CNOT6L: variants seen among roughly 807,000 people sequenced by gnomAD.
The protein encoded by CNOT6L is CCR4-NOT transcription complex subunit 6 like.
A neutral mutation model predicts 64.0 loss-of-function variants in CNOT6L; 7 were observed. That is an observed-to-expected ratio of 0.11 (90% CI 0.06 to 0.21). The LOEUF (loss-of-function observed/expected upper bound fraction) is 0.21. Among genes scored for constraint, CNOT6L ranks in the 10% least tolerant of loss-of-function variants. The pLI, the probability that CNOT6L is intolerant of heterozygous loss-of-function variation, is 1.00. For synonymous variants in CNOT6L, 193 were observed against 243.4 expected, an observed-to-expected ratio of 0.79 and a Z score of 1.93; for missense variants, 245 against 669.0, an observed-to-expected ratio of 0.37 and a Z score of 6.99.
chr4:77,778,919 C>T (rs1232698727), intron 1 of CNOT6L, among the ~76,000 whole-genome samples: 1 of 151,276 alleles, frequency 6.6e-6, no homozygotes. Flanking sequence ...TGGTGGCGGG[C>T]GCCTGTAGTC....
chr4:77,730,157 G>A (rs1670670099), intron 9 of CNOT6L, among the ~76,000 whole-genome samples: 1 of 152,028 alleles, frequency 6.6e-6, no homozygotes, highest in South Asian at 2.1e-4. Flanking sequence ...CTACTAGTTT[G>A]TTAAAGTTTC....
In CNOT6L at chr4:77,720,410, T is replaced by C; in HGVS notation, c.*21A>G. 1 of 1,612,524 alleles carries C rather than the reference T, an allele frequency of 6.2e-7. No homozygotes were observed. The highest frequency in any genetic ancestry group is 8.5e-7 in the Non-Finnish European group (1 of 1,178,676). ...ACAGGTCCATAGCAACAGATCCCCG[T>C]CTTGGCGGGGCAGTACTCCACTACC... On this transcript the variant is annotated 3_prime_UTR_variant, in exon 12 of 12. Transcript: ENST00000504123.
chr4:77,772,393 A>C (rs1415664818), intron 4 of CNOT6L, among the ~76,000 whole-genome samples: 4 of 151,948 alleles, frequency 2.6e-5, no homozygotes, highest in Non-Finnish European at 5.9e-5. Context: ...CACACGGCTA[A>C]TTTTGTATTT....
intron 1 of CNOT6L, among the ~76,000 whole-genome samples, chr4:77,802,265 C>T (rs184219606): frequency 1.4e-4 from 22 of 152,218 alleles, no homozygotes; most frequent in Non-Finnish European, 2.6e-4. Context: ...ATTCTCTATC[C>T]TCTTACCAGT....
At chr4:77,790,708 T>A (rs1223637904) in intron 1 of CNOT6L, among the ~76,000 whole-genome samples, 1 of 152,146 alleles carries the variant, frequency 6.6e-6, no homozygotes, top group Non-Finnish European at 1.5e-5. Context: ...TCCCCACTTT[T>A]TTTTTAATTT....
intron 4 of CNOT6L, among the ~76,000 whole-genome samples, chr4:77,758,488 T>C (rs1725821760): frequency 6.6e-6 from 1 of 152,202 alleles, no homozygotes; most frequent in Non-Finnish European, 1.5e-5. Context: ...AGAACAAGAC[T>C]TAAGTTCTGA....
chr4:77,767,770 G>A (rs538737784), intron 4 of CNOT6L, among the ~76,000 whole-genome samples: 1 of 152,086 alleles, frequency 6.6e-6, no homozygotes, highest in African/African-American at 2.4e-5. Flanking sequence ...CCTAAGGTCA[G>A]GAGTTCGAGA....
rs1457043166 is a variant in CNOT6L, at chr4:77,718,857, A to AAAT, written c.*1571_*1573dup. 3 of 152,610 alleles carry AAAT rather than the reference A, an allele frequency of 2.0e-5. No individual in the cohort carries two copies. The highest frequency in any genetic ancestry group is 7.2e-5 in the African/African-American group (3 of 41,452). 9.5% of individuals were successfully genotyped at this position (152,610 alleles called of 1,614,324 possible). On this transcript the variant is annotated 3_prime_UTR_variant, in exon 12 of 12. Transcript: ENST00000504123. ...AAATTGTGTATATTTAAAACTAATT[A>AAAT]AATAATTTAAATTTGACCTATACTT...
At chr4:77,740,657 A>G (rs1723478943) in intron 8 of CNOT6L, among the ~76,000 whole-genome samples, 1 of 152,164 alleles carries the variant, frequency 6.6e-6, no homozygotes, top group Admixed American at 6.5e-5. Flanking sequence ...AACAATTCGA[A>G]AAGGCTGACA....
chr4:77,797,126 A>AAAAAAC (rs59311223), intron 1 of CNOT6L, among the ~76,000 whole-genome samples: 1 of 150,276 alleles, frequency 6.7e-6, no homozygotes, highest in Non-Finnish European at 1.5e-5. Flanking sequence ...AAAAAAAAAA[A>AAAAAAC]CTGCCAAGGA....
intron 1 of CNOT6L, among the ~76,000 whole-genome samples, chr4:77,786,969 T>G (rs1329739665): frequency 6.6e-6 from 1 of 151,698 alleles, no homozygotes; most frequent in African/African-American, 2.4e-5. Flanking sequence ...TCCATAAGAG[T>G]CTAATAATAA....
At position 77,795,813 on chromosome 4, in the gene CNOT6L, C is replaced by T. The variant is rs111927238; in HGVS notation, c.6-19421G>A. ...CACCAGTACACTGGAAACTATAACA[C>T]ATTACTGAGAAAAATTAAAGAACTA... On this transcript the variant is annotated intron_variant, in intron 1 of 11. Coordinates refer to ENST00000504123, the MANE Select transcript of CNOT6L (RefSeq NM_144571.3). Among the ~76,000 whole-genome samples, 153 of 152,226 alleles carry T rather than the reference C, an allele frequency of 1.0e-3. 1 individual carries two copies. Among genetic ancestry groups the T allele is most frequent in the African/African-American group, 3.2e-3 (132 of 41,534 alleles).
chr4:77,763,264 TATAAG>T (rs1393638368), intron 4 of CNOT6L, among the ~76,000 whole-genome samples: 2 of 152,026 alleles, frequency 1.3e-5, no homozygotes, highest in African/African-American at 4.8e-5. Context: ...ATATACTATT[TATAAG>T]AGCTATACCT....
At chr4:77,799,838 T>C (rs978445402) in intron 1 of CNOT6L, among the ~76,000 whole-genome samples, 8 of 152,068 alleles carry the variant, frequency 5.3e-5, no homozygotes, top group Non-Finnish European at 1.0e-4. Context: ...ACAAATCCTC[T>C]AGAAAAAGTA....
intron 1 of CNOT6L, among the ~76,000 whole-genome samples, chr4:77,806,892 T>A (rs1465064200): frequency 6.6e-6 from 1 of 152,192 alleles, no homozygotes. Flanking sequence ...GATTTCCATG[T>A]CTGTAATGCC....
At chr4:77,792,613 C>A (rs1318464000) in intron 1 of CNOT6L, among the ~76,000 whole-genome samples, 1 of 151,058 alleles carries the variant, frequency 6.6e-6, no homozygotes, top group Non-Finnish European at 1.5e-5. Flanking sequence ...GTAATTCCAG[C>A]TAACTGAGGG....
chr4:77,728,885 T>A lies in CNOT6L; in HGVS notation c.1221A>T (p.Leu407=). 6.2e-7 allele frequency: 1 copy of A among 1,613,634 alleles called. No homozygotes were observed. Among genetic ancestry groups the A allele is most frequent in the Non-Finnish European group, 8.5e-7 (1 of 1,179,610 alleles). ...CTGGCAATGAGTTAAGATCTGCACA[T>A]AGCACCAGCGGGATGGAATTAGGAT... The part of the protein sequence containing the change: ...TADPNSIPLV[L]CADLNSLPDS... Residue 407 remains leucine (L), a synonymous_variant, in exon 10 of 12, where the codon CTA becomes CTT. Coordinates refer to ENST00000504123, the MANE Select transcript of CNOT6L (RefSeq NM_144571.3).
chr4:77,807,587 A>C (rs566465268), intron 1 of CNOT6L, among the ~76,000 whole-genome samples: 2 of 152,354 alleles, frequency 1.3e-5, no homozygotes, highest in South Asian at 4.1e-4. Context: ...CAATGAGGTC[A>C]TAAAGTATAA....
chr4:77,763,338 C>T (rs72864958), intron 4 of CNOT6L, among the ~76,000 whole-genome samples: 3,433 of 151,962 alleles, frequency 0.023, 121 homozygotes, highest in African/African-American at 0.079. Context: ...ACTAGACAAA[C>T]ATTAACCAAA....
Sources: allele counts gnomAD v4.1 joint callset (sites outside exome capture counted in the v4.1 genomes callset), GRCh38; gene constraint gnomAD v4.1.1; transcripts MANE v1.5; gene names NCBI Gene and HGNC (gene_info 2026-07-23, HGNC 2026-07-21).